The following ZRSR2 variants were observed in gnomAD, a reference collection of about 807,000 sequenced individuals.
ZRSR2 encodes U2 small nuclear ribonucleoprotein auxiliary factor 35 kDa subunit-related protein 2.
A neutral mutation model predicts 39.4 loss-of-function variants in ZRSR2; 3 were observed. That is an observed-to-expected ratio of 0.08 (90% CI 0.03 to 0.20). The LOEUF (loss-of-function observed/expected upper bound fraction) is 0.20. Among genes scored for constraint, ZRSR2 ranks in the 10% least tolerant of loss-of-function variants. ZRSR2 has a pLI of 1.00. For missense variants in ZRSR2, 256 were observed against 391.5 expected, an observed-to-expected ratio of 0.65 and a Z score of 2.92; for synonymous variants, 137 against 136.0, an observed-to-expected ratio of 1.01 and a Z score of -0.05.
intron 8 of ZRSR2, 66 bp downstream of exon 8, chrX:15,815,956 G>C (rs894257845): frequency 1.9e-5 from 19 of 975,405 alleles, no homozygotes; most frequent in East Asian, 3.2e-5. Flanking sequence ...GCACAAGAGA[G>C]CTGGGACACA....
At chrX:15,793,808 G>A (rs1338572626) in intron 2 of ZRSR2, among the ~76,000 whole-genome samples, 6 of 112,517 alleles carry the variant, frequency 5.3e-5, no homozygotes, top group African/African-American at 1.9e-4. Flanking sequence ...AAAGTGCTGG[G>A]ATTACAGGCG....
intron 8 of ZRSR2, among the ~76,000 whole-genome samples, chrX:15,817,182 TG>T (rs1289299062): frequency 8.9e-6 from 1 of 112,039 alleles, no homozygotes; most frequent in African/African-American, 3.2e-5. Flanking sequence ...TAATGGAAAT[TG>T]CACCCTTACT....
intron 2 of ZRSR2, among the ~76,000 whole-genome samples, chrX:15,792,621 A>G (rs1353218925): frequency 8.9e-6 from 1 of 112,088 alleles, no homozygotes; most frequent in Non-Finnish European, 1.9e-5. Flanking sequence ...CACTTTTTCT[A>G]TGAAATTACT....
At chrX:15,796,780 A>G (rs1262155279) in intron 2 of ZRSR2, among the ~76,000 whole-genome samples, 1 of 98,936 alleles carries the variant, frequency 1.0e-5, no homozygotes, top group East Asian at 3.1e-4. Flanking sequence ...TTTTGTTTCA[A>G]ATCGTTTTTT....
At chrX:15,802,256 A>G (rs1241840943) in intron 3 of ZRSR2, among the ~76,000 whole-genome samples, 3 of 112,450 alleles carry the variant, frequency 2.7e-5, no homozygotes, top group Non-Finnish European at 3.7e-5. Flanking sequence ...AGTTTCTCAT[A>G]TTTAATTTCC....
At position 15,800,622 on chromosome X, in the gene ZRSR2, C is replaced by T. The variant is rs528698723; in HGVS notation, c.203+669C>T. The stretch of plus-strand genomic sequence containing the variant: ...AAAAAGAAAGTGTAAATGTACTTTA[C>T]GTGTGTCTTTCTATAATGGCATGAT... On this transcript the variant is annotated intron_variant, in intron 3 of 10. Coordinates refer to ENST00000307771, the MANE Select transcript of ZRSR2 (RefSeq NM_005089.4). Among the ~76,000 whole-genome samples, 33 of 112,345 alleles carry T rather than the reference C, an allele frequency of 2.9e-4. No individual in the cohort carries two copies. In the South Asian group the frequency reaches 0.011, roughly 39 times the overall value.
intron 5 of ZRSR2, among the ~76,000 whole-genome samples, chrX:15,805,114 A>G (rs1263052620): frequency 8.9e-6 from 1 of 112,095 alleles, no homozygotes; most frequent in Non-Finnish European, 1.9e-5. Context: ...GGAAAAATGC[A>G]TGTGTCTTCA....
intron 10 of ZRSR2, among the ~76,000 whole-genome samples, chrX:15,821,685 G>A: frequency 9.1e-6 from 1 of 110,374 alleles, no homozygotes; most frequent in East Asian, 2.8e-4. Flanking sequence ...GGGTCACAAA[G>A]ATTTACTTGT....
intron 2 of ZRSR2, among the ~76,000 whole-genome samples, chrX:15,795,464 G>A (rs1229846734): frequency 9.0e-6 from 1 of 111,398 alleles, no homozygotes; most frequent in Admixed American, 9.6e-5. Context: ...GTTCTGGGTG[G>A]CCAGGGGCAT....
At chrX:15,816,667 A>G (rs1357118111) in intron 8 of ZRSR2, among the ~76,000 whole-genome samples, 2 of 111,058 alleles carry the variant, frequency 1.8e-5, no homozygotes, top group Non-Finnish European at 3.8e-5. Context: ...ATCAGATCTG[A>G]GCTGGAATGC....
intron 5 of ZRSR2, 134 bp downstream of exon 5, chrX:15,804,331 G>C: frequency 6.1e-6 from 6 of 983,440 alleles, no homozygotes; most frequent in Non-Finnish European, 8.1e-6. Context: ...TTTCAGTTTA[G>C]ACATAACACC....
At chrX:15,792,774 A>G (rs1293216374) in intron 2 of ZRSR2, among the ~76,000 whole-genome samples, 1 of 112,793 alleles carries the variant, frequency 8.9e-6, no homozygotes, top group Non-Finnish European at 1.9e-5. Context: ...AGATGGGAGC[A>G]CTGAAATCAC....
At chrX:15,791,653 C>CT (rs144343422) in intron 2 of ZRSR2, among the ~76,000 whole-genome samples, 244 of 60,799 alleles carry the variant, frequency 4.0e-3, no homozygotes, top group African/African-American at 6.7e-3. Flanking sequence ...CTTTTCTTTT[C>CT]TTTTTTTTTT....
chrX:15,822,764 A>G lies in ZRSR2; in HGVS notation c.971A>G (p.Lys324Arg). Residue 324 changes from lysine to arginine, a missense_variant, in exon 11 of 11, where the codon AAG (lysine) becomes AGG (arginine). Lys to Arg is a conservative substitution (Grantham distance 26). This residue lies in a region of ZRSR2 where 58 missense variants were observed against 163.1 expected (regional missense o/e 0.36). Transcript: ENST00000307771. Reference sequence around the variant, plus strand: ...GAAATACAACAATGTCCAAGAGGAAAGCACTGCAACTTTCTTCATGTGTTC... The same window carrying G: ...GAAATACAACAATGTCCAAGAGGAAGGCACTGCAACTTTCTTCATGTGTTC... ...LFEIQQCPRG[K>R]HCNFLHVFRN... The G allele has an allele frequency of 1.6e-6, 2 of 1,212,520 alleles. No homozygotes were observed. Among genetic ancestry groups the G allele is most frequent in the Non-Finnish European group, 2.2e-6 (2 of 895,699 alleles).
In ZRSR2 at chrX:15,822,955, T is replaced by C; in HGVS notation, c.1162T>C (p.Ser388Pro). Residue 388 changes from serine to proline, a missense_variant, in exon 11 of 11, where the codon TCC becomes CCC. This residue lies in a region of ZRSR2 where 111 missense variants were observed against 116.7 expected (regional missense o/e 0.95). Coordinates refer to ENST00000307771, the MANE Select transcript of ZRSR2 (RefSeq NM_005089.4). ...AAGGAGAAACCCTAGTCCAGACCAC[T>C]CCTACAAAAGAAATGGGGAATCCGA... is the stretch of plus-strand genomic sequence containing the variant. ...RGRRNPSPDH[S>P]YKRNGESERK... The C allele has an allele frequency of 1.7e-6, 2 of 1,212,012 alleles. No homozygotes were observed. Among genetic ancestry groups the C allele is most frequent in the Non-Finnish European group, 2.2e-6 (2 of 895,596 alleles).
At chrX:15,799,995 T>C (rs755506507) in intron 3 of ZRSR2, 42 bp downstream of exon 3, 22 of 878,499 alleles carry the variant, frequency 2.5e-5, no homozygotes, top group Non-Finnish European at 3.5e-5. Context: ...GAAGTTATTT[T>C]ATTGGAATAT....
At chrX:15,812,665 A>G (rs953555190) in intron 7 of ZRSR2, among the ~76,000 whole-genome samples, 2 of 112,414 alleles carry the variant, frequency 1.8e-5, no homozygotes, top group African/African-American at 3.2e-5. Context: ...TTAGTGGTCT[A>G]TTTATACCTC....
At position 15,796,941 on chromosome X, in the gene ZRSR2, G is replaced by GCAC. The variant is rs746737467; in HGVS notation, c.122-2924_122-2922dup. On this transcript the variant is annotated intron_variant, in intron 2 of 10. Coordinates refer to ENST00000307771, the MANE Select transcript of ZRSR2 (RefSeq NM_005089.4). ...CCTGAGTAGCTGGGATTACAGGCGTGCACCACCACACCTGGCTAATTTTTT... is the reference window on the plus strand; with the variant it reads ...CCTGAGTAGCTGGGATTACAGGCGTGCACCACCACCACACCTGGCTAATTTTTT... 3.5e-4 allele frequency among the ~76,000 whole-genome samples: 38 copies of GCAC among 107,613 alleles called. 1 individual carries two copies. The East Asian group carries it at 0.011, about 30-fold the overall frequency. 93.4% of individuals were successfully genotyped at this position (107,613 alleles called of 115,157 possible). A position where few individuals can be genotyped will look rare whatever the true frequency, so the allele number is the denominator to read the frequency against.
At position 15,823,090 on chromosome X, in the gene ZRSR2, CGCAGCCGGGGCCGGG is replaced by C. The variant is rs747993336; in HGVS notation, c.1306_1320del (p.Gly436_Arg440del). 3.3e-6 allele frequency: 4 copies of C among 1,206,557 alleles called. No homozygotes were observed. Among genetic ancestry groups the C allele is most frequent in the Non-Finnish European group, 4.5e-6 (4 of 893,348 alleles). Reference sequence around the variant, plus strand: ...AAGAAATAGGGACCGCAGCAGGGACCGCAGCCGGGGCCGGGGCAGCCGGAGCCGGAGCCGGAGCCG... The same window carrying C: ...AAGAAATAGGGACCGCAGCAGGGACCGCAGCCGGAGCCGGAGCCGGAGCCG... On this transcript the variant is annotated inframe_deletion, in exon 11 of 11. Coordinates refer to ENST00000307771, the MANE Select transcript of ZRSR2 (RefSeq NM_005089.4).
Sources: gnomAD v4.1 joint callset for allele counts (sites outside exome capture counted in the v4.1 genomes callset) on GRCh38, gnomAD v4.1.1 for gene constraint, gnomAD v4.1.1 regional missense constraint, MANE v1.5 for transcripts, NCBI Gene and HGNC (gene_info 2026-07-23, HGNC 2026-07-21) for gene names.